Variants in SI observed in about 807,000 individuals in gnomAD.
SI encodes sucrase-isomaltase, intestinal.
In SI, 235 loss-of-function variants were observed where a neutral mutation model predicts 253.3. The observed-to-expected ratio is 0.93, with a 90% confidence interval of 0.83 to 1.03. The LOEUF (loss-of-function observed/expected upper bound fraction) is 1.03. Among genes scored for constraint, SI ranks in the 50% least tolerant of loss-of-function variants. The probability of loss-of-function intolerance (pLI) is 0.00; values close to 1 mark genes in which losing one functional copy is unlikely to be tolerated. For synonymous variants in SI, 819 were observed against 712.0 expected (o/e 1.15, Z -2.39); for missense variants, 2,442 against 2,211.1 (o/e 1.10, Z -2.09).
At chr3:165,057,029 G>A (rs1485813500) in intron 12 of SI, among the ~76,000 whole-genome samples, 1 of 152,024 alleles carries the variant, frequency 6.6e-6, no homozygotes, top group Admixed American at 6.6e-5. Flanking sequence ...AGACAGAGAT[G>A]TGTGAACTTT....
intron 44 of SI, among the ~76,000 whole-genome samples, chr3:164,988,438 C>T (rs1177948423): frequency 6.6e-6 from 1 of 152,116 alleles, no homozygotes; most frequent in Non-Finnish European, 1.5e-5. Context: ...AGTTTTACAA[C>T]TTTCTATACT....
intron 16 of SI, 54 bp downstream of exon 16, chr3:165,046,787 A>G: frequency 7.3e-7 from 1 of 1,373,140 alleles, no homozygotes; most frequent in African/African-American, 1.4e-5. Context: ...AGATTACATT[A>G]AAAATTAATG....
At chr3:165,050,327 G>A (rs1478228350) in intron 13 of SI, among the ~76,000 whole-genome samples, 1 of 152,198 alleles carries the variant, frequency 6.6e-6, no homozygotes, top group East Asian at 1.9e-4. Context: ...ATAAAAGAAT[G>A]AAAGCTGTAA....
chr3:165,083,674 G>A, the SI span, among the ~76,000 whole-genome samples: 85 of 152,060 alleles, frequency 5.6e-4, 2 homozygotes, highest in Middle Eastern at 0.014. Context: ...ATAATAAAAT[G>A]TTAAGTACCT....
At chr3:165,021,584 T>C (rs1247818013) in intron 26 of SI, among the ~76,000 whole-genome samples, 4 of 151,628 alleles carry the variant, frequency 2.6e-5, no homozygotes, top group East Asian at 1.9e-4. Flanking sequence ...AACTGAATAC[T>C]GCATTTTTGA....
At chr3:165,035,707 A>G (rs1342248748) in intron 22 of SI, among the ~76,000 whole-genome samples, 1 of 151,548 alleles carries the variant, frequency 6.6e-6, no homozygotes. Context: ...ATACTCATAT[A>G]TAAAACACAT....
At chr3:165,049,047 T>C (rs9841237) in intron 15 of SI, 80 bp downstream of exon 15, 533,311 of 870,388 alleles carry the variant, frequency 0.61, 165,513 homozygotes, top group East Asian at 0.83. Context: ...TATTTCCTAA[T>C]TATGAATACA....
intron 22 of SI, among the ~76,000 whole-genome samples, chr3:165,035,197 G>A (rs568540099): frequency 1.3e-5 from 2 of 152,014 alleles, no homozygotes; most frequent in African/African-American, 4.8e-5. Flanking sequence ...ATAGAAGACT[G>A]GTTTGGAGAT....
chr3:164,981,363 T>G (rs573126924), intron 47 of SI, among the ~76,000 whole-genome samples: 1 of 152,154 alleles, frequency 6.6e-6, no homozygotes, highest in East Asian at 1.9e-4. Context: ...GCTGTTTAAC[T>G]CTGACATCCT....
At position 165,039,122 on chromosome 3, in the gene SI, C is replaced by G; in HGVS notation, c.2257G>C (p.Val753Leu). The G allele has an allele frequency of 6.3e-7, 1 of 1,588,336 alleles. No homozygotes were observed. Among genetic ancestry groups the G allele is most frequent in the Non-Finnish European group, 8.6e-7 (1 of 1,158,358 alleles). Residue 753 changes from valine (V) to leucine (L), a missense_variant, in exon 20 of 48, where the codon GTG becomes CTG. Coordinates refer to ENST00000264382, the MANE Select transcript of SI (RefSeq NM_001041.4). ...TPVLKQGADT[V>L]SAYIPDAIWY... ...ATAGCATCAGGGATGTAGGCACTCA[C>G]AGTATCTGCTCCCTAAAATAAAGAT... is the stretch of plus-strand genomic sequence containing the variant.
At chr3:165,078,152 T>C (rs1715124202) in intron 1 of SI, among the ~76,000 whole-genome samples, 1 of 151,400 alleles carries the variant, frequency 6.6e-6, no homozygotes, top group Non-Finnish European at 1.5e-5. Context: ...TTTTCTTTCA[T>C]ATAGAGTCAT....
chr3:165,040,547 TC>T (rs1479843679), intron 18 of SI, among the ~76,000 whole-genome samples: 3 of 152,062 alleles, frequency 2.0e-5, no homozygotes, highest in African/African-American at 7.2e-5. Flanking sequence ...AAGGCCCTGC[TC>T]TGGTCAAAGA....
intron 45 of SI, among the ~76,000 whole-genome samples, chr3:164,986,890 G>T (rs2108116267): frequency 6.6e-6 from 1 of 152,212 alleles, no homozygotes; most frequent in East Asian, 1.9e-4. Context: ...ACATAATTCT[G>T]CCCACACAAA....
Position 165,065,267 on chromosome 3 carries a change from A to G in SI, c.801T>C (p.Pro267=), listed in dbSNP as rs752564085. ...TWPIFTRDQL[P]GDNNNNLYGH... ...AAGAAAAATAATTTCTTACATCACC[A>G]GGAAGTTGGTCTCGAGTAAAAATTG... The change falls in exon 7 of 48, where the codon CCT becomes CCC. Residue 267 remains proline, a synonymous_variant. Transcript: ENST00000264382. 1.5e-4 allele frequency: 244 copies of G among 1,593,354 alleles called. No homozygotes were observed. The highest frequency in any genetic ancestry group is 2.0e-4 in the Non-Finnish European group (233 of 1,163,284).
Position 165,036,393 on chromosome 3 carries a change from A to G in SI, c.2511T>C (p.Thr837=). 1.9e-6 allele frequency: 3 copies of G among 1,604,740 alleles called. No homozygotes were observed. Among genetic ancestry groups the G allele is most frequent in the Non-Finnish European group, 2.6e-6 (3 of 1,172,120 alleles). The change falls in exon 22 of 48, where the codon ACT becomes ACC. Residue 837 remains threonine, a synonymous_variant. Transcript: ENST00000264382. ...GCGTATTACTTTCAGACTTACCTTTAGTTTCTCCATCATCCCAGAAAAAGT... is the reference window on the plus strand; with the variant it reads ...GCGTATTACTTTCAGACTTACCTTTGGTTTCTCCATCATCCCAGAAAAAGT... ...KGDFFWDDGE[T]KDTIQNGNYI...
Position 164,979,022 on chromosome 3 carries a change from A to C in SI, c.*340T>G, listed in dbSNP as rs1717043461. On this transcript the variant is annotated 3_prime_UTR_variant, in exon 48 of 48. Coordinates refer to ENST00000264382, the MANE Select transcript of SI (RefSeq NM_001041.4). The stretch of plus-strand genomic sequence containing the variant: ...ACATTGAGAAAAATATAGTATATAT[A>C]ATTACATAAAAATTTTATTTAATTT... The C allele has an allele frequency of 6.0e-6, 1 of 167,362 alleles. No individual in the cohort carries two copies. The highest frequency in any genetic ancestry group is 2.4e-5 in the African/African-American group (1 of 41,486). The allele number at this position is 167,362 out of a possible 1,614,324, so 10.4% of individuals were successfully genotyped here.
chr3:165,015,813 A>C, intron 32 of SI, 139 bp downstream of exon 32: 1 of 782,906 alleles, frequency 1.3e-6, no homozygotes, highest in Non-Finnish European at 2.2e-6. Context: ...TGAAGTGCTA[A>C]AGGAAGAGAG....
rs527652096 is a variant in SI at position 165,052,000 on chromosome 3, A to G, written c.1513-2125T>C. On this transcript the variant is annotated intron_variant, in intron 13 of 47. Coordinates refer to ENST00000264382, the MANE Select transcript of SI (RefSeq NM_001041.4). ...AACCAAGAATATAAATTATTAACCTACTGAGGCAAAATTTTTTTTCATAAT... is the reference window on the plus strand; with the variant it reads ...AACCAAGAATATAAATTATTAACCTGCTGAGGCAAAATTTTTTTTCATAAT... 1.5e-3 allele frequency among the ~76,000 whole-genome samples: 224 copies of G among 152,214 alleles called. 1 individual carries two copies. Among genetic ancestry groups the G allele is most frequent in the African/African-American group, 5.2e-3 (218 of 41,582 alleles).
At chr3:165,073,947 C>T (rs188944921) in intron 3 of SI, among the ~76,000 whole-genome samples, 3 of 151,872 alleles carry the variant, frequency 2.0e-5, no homozygotes, top group Admixed American at 6.6e-5. Flanking sequence ...CCGAGGATAC[C>T]CATGAAGGAC....
Sources: gnomAD v4.1 joint callset for allele counts (sites outside exome capture counted in the v4.1 genomes callset) on GRCh38, gnomAD v4.1.1 for gene constraint, MANE v1.5 for transcripts, NCBI Gene and HGNC (gene_info 2026-07-23, HGNC 2026-07-21) for gene names.